The following LAYN variants were observed in gnomAD, a reference collection of about 807,000 sequenced individuals.
The protein encoded by LAYN is layilin.
A neutral mutation model predicts 43.6 loss-of-function variants in LAYN; 38 were observed. That is an observed-to-expected ratio of 0.87 (90% CI 0.67 to 1.14). The LOEUF (loss-of-function observed/expected upper bound fraction) is 1.14. LAYN is among the 50% of genes most tolerant of loss of function. The pLI, the probability that LAYN is intolerant of heterozygous loss-of-function variation, is 0.00. For synonymous variants in LAYN, 168 were observed against 172.9 expected (o/e 0.97, Z 0.22); for missense variants, 479 against 463.8 (o/e 1.03, Z -0.30).
In LAYN at chr11:111,556,075, A is replaced by G. The variant is rs184153895; in HGVS notation, c.658+785A>G. Among the ~76,000 whole-genome samples the G allele has an allele frequency of 2.6e-3, 396 of 152,252 alleles. 4 individuals carry two copies. Among genetic ancestry groups the G allele is most frequent in the African/African-American group, 8.4e-3 (351 of 41,544 alleles). On this transcript the variant is annotated intron_variant, in intron 5 of 6. Transcript: ENST00000375614. Reference sequence around the variant, plus strand: ...CCCAGGCCACCTGCATTTCTGACCAATTGGCTACAAATCCAGGAGTGCCCA... The same window carrying G: ...CCCAGGCCACCTGCATTTCTGACCAGTTGGCTACAAATCCAGGAGTGCCCA...
rs1410076556 is a variant in LAYN, at chr11:111,560,466, A to G, written c.*8A>G. 2 of 1,590,616 alleles carry G rather than the reference A, an allele frequency of 1.3e-6. No individual in the cohort carries two copies. The highest frequency in any genetic ancestry group is 1.8e-5 in the Admixed American group (1 of 55,060). On this transcript the variant is annotated 3_prime_UTR_variant, in exon 7 of 7. Transcript: ENST00000375614. The stretch of plus-strand genomic sequence containing the variant: ...GAAATATATGGTTATTAGGACATAT[A>G]AAAAACTGAAACTGACAACAATGGA...
At chr11:111,541,969 G>T (rs523324) in intron 1 of LAYN, among the ~76,000 whole-genome samples, 147,756 of 152,256 alleles carry the variant, frequency 0.97, 71,848 homozygotes, top group Middle Eastern at 1. Flanking sequence ...CAGCTCTGAC[G>T]GTCTCTGGCA....
chr11:111,544,149 G>C lies in LAYN; in HGVS notation c.312G>C (p.Glu104Asp). 5 of 1,614,156 alleles carry C rather than the reference G, an allele frequency of 3.1e-6. No homozygotes were observed. The highest frequency in any genetic ancestry group is 4.2e-6 in the Non-Finnish European group (5 of 1,180,032). The change falls in exon 2 of 7, where the codon GAG (glutamate) becomes GAC (aspartate). Residue 104 changes from glutamate (E) to aspartate (D), a missense_variant. Glu to Asp is a conservative substitution (Grantham distance 45, BLOSUM62 2). Coordinates refer to ENST00000375614, the MANE Select transcript of LAYN (RefSeq NM_178834.5). ...GDFWIGLRRREEKQSNSTACQ... is the reference protein window; with the variant it reads ...GDFWIGLRRRDEKQSNSTACQ... The stretch of plus-strand genomic sequence containing the variant: ...TCTGGATTGGGCTCAGGAGGCGTGA[G>C]GAGAAACAAAGCAATAGCACAGCCT...
intron 5 of LAYN, among the ~76,000 whole-genome samples, chr11:111,557,268 G>A (rs1867863233): frequency 6.6e-6 from 1 of 152,138 alleles, no homozygotes; most frequent in African/African-American, 2.4e-5. Context: ...TATCACTTAG[G>A]GTAATAGGAC....
At chr11:111,555,564 G>T (rs2039697545) in intron 5 of LAYN, among the ~76,000 whole-genome samples, 1 of 152,202 alleles carries the variant, frequency 6.6e-6, no homozygotes, top group African/African-American at 2.4e-5. Context: ...GTCATGTGGG[G>T]TAAGGTGGAG....
At position 111,557,576 on chromosome 11, in the gene LAYN, A is replaced by G. The variant is rs2135804599; in HGVS notation, c.694A>G (p.Ser232Gly). The G allele has an allele frequency of 6.2e-7, 1 of 1,614,152 alleles. No homozygotes were observed. The highest frequency in any genetic ancestry group is 8.5e-7 in the Non-Finnish European group (1 of 1,179,994). ...ALNLAYILIP[S>G]IPLLLLLVVT... ...GAATCTGGCCTACATCCTAATCCCC[A>G]GCATTCCCCTTCTCCTCCTCCTTGT... Residue 232 changes from serine (S) to glycine (G), a missense_variant, in exon 6 of 7, where the codon AGC (serine) becomes GGC (glycine). By Grantham distance (56) the Ser-to-Gly change is moderately conservative. Coordinates refer to ENST00000375614, the MANE Select transcript of LAYN (RefSeq NM_178834.5).
At chr11:111,554,535 T>C (rs776443666) in intron 3 of LAYN, 26 bp from the exon 4 acceptor site, 1 of 1,590,892 alleles carries the variant, frequency 6.3e-7, no homozygotes, top group South Asian at 1.1e-5. Flanking sequence ...ACTACTTATT[T>C]TTGTTTTTGT....
intron 1 of LAYN, chr11:111,541,350 G>T (rs1226999935): frequency 4.9e-6 from 3 of 610,720 alleles, no homozygotes; most frequent in Non-Finnish European, 5.8e-6. Context: ...GGAGGCGGCC[G>T]CAGAGACAGC....
chr11:111,557,434 G>T lies in LAYN; in HGVS notation c.659-107G>T, dbSNP rs1867866356. On this transcript the variant is annotated intron_variant, in intron 5 of 6. Transcript: ENST00000375614. ...ATTTTTTAATTTTAATAGATTTGGG[G>T]GTACAAGTGGTTTTTGACGATTATG... The T allele has an allele frequency of 3.7e-6, 3 of 814,478 alleles. No homozygotes were observed. The Admixed American group carries it at 6.3e-5, about 17-fold the overall frequency. 50.5% of individuals were successfully genotyped at this position (814,478 alleles called of 1,614,324 possible). A position where few individuals can be genotyped will look rare whatever the true frequency, so the allele number is the denominator to read the frequency against.
At chr11:111,559,978 C>T (rs533696064) in intron 6 of LAYN, 117 bp from the exon 7 acceptor site, 18 of 1,207,348 alleles carry the variant, frequency 1.5e-5, no homozygotes, top group African/African-American at 3.0e-5. Context: ...GTTACATAGA[C>T]GAGACATGCA....
intron 2 of LAYN, among the ~76,000 whole-genome samples, chr11:111,547,369 CATG>C (rs1867666459): frequency 2.6e-5 from 4 of 152,182 alleles, no homozygotes; most frequent in Admixed American, 2.6e-4. Flanking sequence ...TTCCAATTAG[CATG>C]ATGTCAGCCA....
chr11:111,555,121 C>A, intron 4 of LAYN, 86 bp from the exon 5 acceptor site: 3 of 984,302 alleles, frequency 3.0e-6, no homozygotes, highest in Non-Finnish European at 3.1e-6. Flanking sequence ...AGCTTTTTTG[C>A]ATCCCAATTT....
At chr11:111,556,044 G>T (rs912326832) in intron 5 of LAYN, among the ~76,000 whole-genome samples, 3 of 152,096 alleles carry the variant, frequency 2.0e-5, no homozygotes, top group Non-Finnish European at 4.4e-5. Context: ...TGCAAGTTTA[G>T]GGGTCCCCAG....
intron 2 of LAYN, among the ~76,000 whole-genome samples, chr11:111,545,478 G>A (rs1316417283): frequency 6.6e-6 from 1 of 152,128 alleles, no homozygotes; most frequent in Non-Finnish European, 1.5e-5. Context: ...ATTCCAAGAG[G>A]TACCCAAATA....
intron 3 of LAYN, 81 bp downstream of exon 3, chr11:111,549,856 G>C: frequency 7.0e-7 from 1 of 1,430,896 alleles, no homozygotes; most frequent in Non-Finnish European, 9.4e-7. Context: ...CCAAGAATTT[G>C]TCATGTGGTC....
rs780944080 is a variant in LAYN at position 111,557,791 on chromosome 11, C to G, written c.761+148C>G. 4 of 715,904 alleles carry G rather than the reference C, an allele frequency of 5.6e-6. No individual in the cohort carries two copies. The Admixed American group carries it at 6.1e-5, about 11-fold the overall frequency. 44.3% of individuals were successfully genotyped at this position (715,904 alleles called of 1,614,324 possible). On this transcript the variant is annotated intron_variant, in intron 6 of 6. Transcript: ENST00000375614. Reference sequence around the variant, plus strand: ...GAGTGGGTTCTCTGACAGGTCAGGGCATTCAGAAGTACTAGGCATTTGTGC... The same window carrying G: ...GAGTGGGTTCTCTGACAGGTCAGGGGATTCAGAAGTACTAGGCATTTGTGC...
chr11:111,559,843 T>G lies in LAYN; in HGVS notation c.762-252T>G, dbSNP rs1017542394. 7.9e-5 allele frequency among the ~76,000 whole-genome samples: 12 copies of G among 152,208 alleles called. No individual in the cohort carries two copies. In the East Asian group the frequency reaches 1.5e-3, roughly 20 times the overall value. ...TTCTATCCCTGGACACTCCAGGGAC[T>G]CTAGGGAACCCCAGGATAATAACCC... On this transcript the variant is annotated intron_variant, in intron 6 of 6. Coordinates refer to ENST00000375614, the MANE Select transcript of LAYN (RefSeq NM_178834.5).
rs780171519 is a variant in LAYN at position 111,560,376 on chromosome 11, A to G, written c.1043A>G (p.Asn348Ser). The change falls in exon 7 of 7, where the codon AAT becomes AGT. Residue 348 changes from asparagine to serine, a missense_variant. By Grantham distance (46) the Asn-to-Ser change is conservative (BLOSUM62 1). Transcript: ENST00000375614. ...LVSVESGFVT[N>S]DIYEFSPDQM... ...AGCGTGGAGAGTGGATTTGTGACCA[A>G]TGACATTTATGAGTTCTCCCCAGAC... is the stretch of plus-strand genomic sequence containing the variant. 20 of 1,614,054 alleles carry G rather than the reference A, an allele frequency of 1.2e-5. No individual in the cohort carries two copies. Among genetic ancestry groups the G allele is most frequent in the Middle Eastern group, 1.6e-4 (1 of 6,084 alleles).
intron 6 of LAYN, among the ~76,000 whole-genome samples, chr11:111,559,620 G>T (rs976131433): frequency 5.3e-5 from 8 of 151,856 alleles, no homozygotes; most frequent in Non-Finnish European, 8.8e-5. Context: ...CACCATGCCT[G>T]GTTAATTTTT....
Sources: allele counts gnomAD v4.1 joint callset (sites outside exome capture counted in the v4.1 genomes callset), GRCh38; gene constraint gnomAD v4.1.1; transcripts MANE v1.5; gene names NCBI Gene and HGNC (gene_info 2026-07-23, HGNC 2026-07-21).